Variants in DERA observed in about 807,000 individuals in gnomAD.
DERA encodes the protein 2-deoxy-D-ribose 5-phosphate aldolase.
DERA carries 15 observed loss-of-function variants against 41.1 expected under a neutral mutation model. The ratio of observed to expected loss-of-function variants is 0.37; its 90% CI spans 0.24 to 0.56. The LOEUF (loss-of-function observed/expected upper bound fraction) is 0.56, where lower values mean the gene tolerates loss of function less well. Ranked by LOEUF, DERA falls within the 20% of genes least tolerant of loss-of-function variation. DERA has a pLI of 0.81. For missense variants in DERA, 396 were observed against 403.4 expected (o/e 0.98, Z 0.16); for synonymous variants, 139 against 137.4 (o/e 1.01, Z -0.08).
chr12:15,933,484 C>T (rs1454414347), intron 1 of DERA, among the ~76,000 whole-genome samples: 1 of 152,148 alleles, frequency 6.6e-6, no homozygotes, highest in Non-Finnish European at 1.5e-5. Context: ...ACCAAATTGG[C>T]AGAAACTTGG....
At position 16,010,703 on chromosome 12, in the gene DERA, C is replaced by G. The variant is rs1219048388; in HGVS notation, c.638-21839C>G. Among the ~76,000 whole-genome samples, 1 of 151,984 alleles carries G rather than the reference C, an allele frequency of 6.6e-6. No individual in the cohort carries two copies. The highest frequency in any genetic ancestry group is 1.9e-4 in the East Asian group (1 of 5,156). Reference sequence around the variant, plus strand: ...CACCTAGATGGCCAACCCCAGGGTTCCATATAGTAAATGCTTTCCATTCAG... The same window carrying G: ...CACCTAGATGGCCAACCCCAGGGTTGCATATAGTAAATGCTTTCCATTCAG... On this transcript the variant is annotated intron_variant, in intron 6 of 8. Coordinates refer to ENST00000428559, the MANE Select transcript of DERA (RefSeq NM_015954.4). The surrounding 1 kb of genome is among the most constrained non-coding windows in gnomAD (Gnocchi z 5.5).
At position 16,000,935 on chromosome 12, in the gene DERA, T is replaced by C. The variant is rs1948870742; in HGVS notation, c.637+18499T>C. Among the ~76,000 whole-genome samples the C allele has an allele frequency of 6.6e-6, 1 of 152,226 alleles. No individual in the cohort carries two copies. Among genetic ancestry groups the C allele is most frequent in the Non-Finnish European group, 1.5e-5 (1 of 68,038 alleles). On this transcript the variant is annotated intron_variant, in intron 6 of 8. Transcript: ENST00000428559. This position sits in a 1 kb window ranked among gnomAD's most constrained non-coding sequence, Gnocchi z 4.8. ...TTCTGCCTTTTTCTGCATTCTTGTT[T>C]TACAGTATTCAGTATTACAATGCCA...
chr12:15,956,671 A>G, intron 1 of DERA: 1 of 504,976 alleles, frequency 2.0e-6, no homozygotes, highest in Non-Finnish European at 3.8e-6. Flanking sequence ...AGGTTCTTCC[A>G]GTTCCAAATG....
At chr12:15,945,568 A>G (rs1030267100) in intron 1 of DERA, among the ~76,000 whole-genome samples, 7 of 152,144 alleles carry the variant, frequency 4.6e-5, no homozygotes. Flanking sequence ...ATTTTTGCAC[A>G]TTGATTTTGT....
rs1013080447 is a variant in DERA, at chr12:15,911,535, C to A, written c.31+121C>A. Reference sequence around the variant, plus strand: ...GGTCCCCGAGGGGTTTTCGCTGGGGCGGGAAGCAGTGGCGTCTGGTCAGCC... The same window carrying A: ...GGTCCCCGAGGGGTTTTCGCTGGGGAGGGAAGCAGTGGCGTCTGGTCAGCC... On this transcript the variant is annotated intron_variant, in intron 1 of 8. Transcript: ENST00000428559. The surrounding 1 kb of genome is among the most constrained non-coding windows in gnomAD (Gnocchi z 4.5). 50 of 1,041,438 alleles carry A rather than the reference C, an allele frequency of 4.8e-5. No individual in the cohort carries two copies. Among genetic ancestry groups the A allele is most frequent in the Admixed American group, 3.1e-4 (11 of 35,024 alleles). The allele number at this position is 1,041,438 out of a possible 1,614,324, so 64.5% of individuals were successfully genotyped here. A position where few individuals can be genotyped will look rare whatever the true frequency, so the allele number is the denominator to read the frequency against.
In DERA at chr12:15,943,983, G is replaced by GT; in HGVS notation, c.32-12947dup. On this transcript the variant is annotated intron_variant, in intron 1 of 8. Transcript: ENST00000428559. The surrounding 1 kb of genome is among the most constrained non-coding windows in gnomAD (Gnocchi z 4.5). ...TATGAGTGAGAACATGCGGTGTTTG[G>GT]TTTTTTGTCCTTGTGATAGTTTGCT... is the stretch of plus-strand genomic sequence containing the variant. Among the ~76,000 whole-genome samples the GT allele has an allele frequency of 6.7e-6, 1 of 150,040 alleles. No individual in the cohort carries two copies. Among genetic ancestry groups the GT allele is most frequent in the Non-Finnish European group, 1.5e-5 (1 of 67,784 alleles).
rs887643279 is a variant in DERA, at chr12:15,921,528, A to T, written c.31+10114A>T. Among the ~76,000 whole-genome samples the T allele has an allele frequency of 6.6e-6, 1 of 152,132 alleles. No homozygotes were observed. The highest frequency in any genetic ancestry group is 2.1e-4 in the South Asian group (1 of 4,822). On this transcript the variant is annotated intron_variant, in intron 1 of 8. Coordinates refer to ENST00000428559, the MANE Select transcript of DERA (RefSeq NM_015954.4). The surrounding 1 kb of genome is among the most constrained non-coding windows in gnomAD (Gnocchi z 5.3). ...AAGAAAGTAGGTTGTAACAATTCCTATTGTATTTGGTGAAGGAGCTCAAGA... is the reference window on the plus strand; with the variant it reads ...AAGAAAGTAGGTTGTAACAATTCCTTTTGTATTTGGTGAAGGAGCTCAAGA...
Position 15,992,503 on chromosome 12 carries a change from T to G in DERA, c.637+10067T>G, listed in dbSNP as rs1592039292. Among the ~76,000 whole-genome samples the G allele has an allele frequency of 1.3e-5, 2 of 152,070 alleles. No individual in the cohort carries two copies. Among genetic ancestry groups the G allele is most frequent in the South Asian group, 4.1e-4 (2 of 4,826 alleles). ...AGAACTTTTTGCTTTGGTTTTGGGGTTGAAGAAAAATTGATCTTCCATGTA... is the reference window on the plus strand; with the variant it reads ...AGAACTTTTTGCTTTGGTTTTGGGGGTGAAGAAAAATTGATCTTCCATGTA... On this transcript the variant is annotated intron_variant, in intron 6 of 8. Transcript: ENST00000428559. This position sits in a 1 kb window ranked among gnomAD's most constrained non-coding sequence, Gnocchi z 4.3.
rs1171369757 is a variant in DERA, at chr12:15,966,834, T to C, written c.508+3887T>C. ...TCCACAACCTTGGTGTGCTTTCCTTTGGAAACGTCATGTCCTTGCTGATTT... is the reference window on the plus strand; with the variant it reads ...TCCACAACCTTGGTGTGCTTTCCTTCGGAAACGTCATGTCCTTGCTGATTT... On this transcript the variant is annotated intron_variant, in intron 5 of 8. Transcript: ENST00000428559. The surrounding 1 kb of genome is among the most constrained non-coding windows in gnomAD (Gnocchi z 5.1). Among the ~76,000 whole-genome samples, 1 of 152,128 alleles carries C rather than the reference T, an allele frequency of 6.6e-6. No individual in the cohort carries two copies. The highest frequency in any genetic ancestry group is 1.9e-4 in the East Asian group (1 of 5,176).
At position 15,936,889 on chromosome 12, in the gene DERA, TC is replaced by T. The variant is rs879728725; in HGVS notation, c.32-20045del. On this transcript the variant is annotated intron_variant, in intron 1 of 8. Transcript: ENST00000428559. This position sits in a 1 kb window ranked among gnomAD's most constrained non-coding sequence, Gnocchi z 4.6. Reference sequence around the variant, plus strand: ...TCTTGTCTTGTCTTGTCTTGTCTTGTCCTGTCCTGTCCTGTCCTGTCCTGTC... The same window carrying T: ...TCTTGTCTTGTCTTGTCTTGTCTTGTCTGTCCTGTCCTGTCCTGTCCTGTC... Among the ~76,000 whole-genome samples the T allele has an allele frequency of 1.6e-3, 211 of 132,800 alleles. No homozygotes were observed. The highest frequency in any genetic ancestry group is 1.9e-3 in the African/African-American group (58 of 30,038). The allele number at this position is 132,800 out of a possible 152,430, so 87.1% of individuals were successfully genotyped here. A position where few individuals can be genotyped will look rare whatever the true frequency, so the allele number is the denominator to read the frequency against.
intron 1 of DERA, among the ~76,000 whole-genome samples, chr12:15,956,288 G>C (rs544299020): frequency 6.6e-6 from 1 of 152,346 alleles, no homozygotes; most frequent in African/African-American, 2.4e-5. Flanking sequence ...AGTAGATCAA[G>C]GTAGGAGAGA....
rs960275359 is a variant in DERA at position 15,954,106 on chromosome 12, T to G, written c.32-2830T>G. On this transcript the variant is annotated intron_variant, in intron 1 of 8. Transcript: ENST00000428559. The surrounding 1 kb of genome is among the most constrained non-coding windows in gnomAD (Gnocchi z 4.0). ...AGACCTTGTGAGTTCTAACCTTTGG[T>G]GTACTCAAAATTGGTTTTTAAGGGG... 4.6e-5 allele frequency among the ~76,000 whole-genome samples: 7 copies of G among 152,180 alleles called. No individual in the cohort carries two copies. Among genetic ancestry groups the G allele is most frequent in the African/African-American group, 1.7e-4 (7 of 41,452 alleles).
rs1024553834 is a variant in DERA at position 15,922,305 on chromosome 12, C to A, written c.31+10891C>A. ...AGCCAGTCAACATTGTATTATTAAC[C>A]TTTAGATAATCATTTAAAAATGCTG... On this transcript the variant is annotated intron_variant, in intron 1 of 8. Transcript: ENST00000428559. This position sits in a 1 kb window ranked among gnomAD's most constrained non-coding sequence, Gnocchi z 4.9. Among the ~76,000 whole-genome samples, 14 of 152,152 alleles carry A rather than the reference C, an allele frequency of 9.2e-5. No homozygotes were observed. The highest frequency in any genetic ancestry group is 1.9e-4 in the Non-Finnish European group (13 of 68,038).
At chr12:15,912,010 G>C (rs1019476229) in intron 1 of DERA, among the ~76,000 whole-genome samples, 2 of 149,078 alleles carry the variant, frequency 1.3e-5, no homozygotes, top group Non-Finnish European at 3.0e-5. Context: ...AGAAACCTTA[G>C]TTCAGATTTC....
chr12:15,955,830 C>T (rs1948534048), intron 1 of DERA, among the ~76,000 whole-genome samples: 1 of 152,166 alleles, frequency 6.6e-6, no homozygotes. Context: ...TAGCAGTTTT[C>T]CTCATTGCAT....
rs562590614 is a variant in DERA at position 15,943,900 on chromosome 12, C to T, written c.32-13036C>T. ...CCCCTCCCCCCACCCCACGACAGAC[C>T]CTGGTGTGTGATGTTCCCCTTCCTG... On this transcript the variant is annotated intron_variant, in intron 1 of 8. Coordinates refer to ENST00000428559, the MANE Select transcript of DERA (RefSeq NM_015954.4). This position sits in a 1 kb window ranked among gnomAD's most constrained non-coding sequence, Gnocchi z 4.5. Among the ~76,000 whole-genome samples, 3 of 126,754 alleles carry T rather than the reference C, an allele frequency of 2.4e-5. No individual in the cohort carries two copies. Among genetic ancestry groups the T allele is most frequent in the South Asian group, 3.1e-4 (1 of 3,250 alleles). 83.2% of individuals were successfully genotyped at this position (126,754 alleles called of 152,430 possible).
intron 6 of DERA, among the ~76,000 whole-genome samples, chr12:16,028,617 CACTA>C (rs1322723279): frequency 6.6e-5 from 10 of 152,264 alleles, no homozygotes; most frequent in African/African-American, 2.4e-4. Context: ...ACCGAGCCAA[CACTA>C]ACTACCTCAG....
At position 15,911,395 on chromosome 12, in the gene DERA, C is replaced by A; in HGVS notation, c.12C>A (p.His4Gln). Residue 4 changes from histidine (H) to glutamine (Q), a missense_variant, in exon 1 of 9, where the codon CAC becomes CAA. His to Gln is a conservative substitution (Grantham distance 24). Transcript: ENST00000428559. The surrounding 1 kb of genome is among the most constrained non-coding windows in gnomAD (Gnocchi z 4.5). MSA[H>Q]NRGTELDLSW... Reference sequence around the variant, plus strand: ...GAGCTGCCCGCGCCATGTCCGCGCACAATCGGGGCACCGAGCTCGGTAAGG... The same window carrying A: ...GAGCTGCCCGCGCCATGTCCGCGCAAAATCGGGGCACCGAGCTCGGTAAGG... The A allele has an allele frequency of 7.1e-7, 1 of 1,405,344 alleles. No homozygotes were observed. The highest frequency in any genetic ancestry group is 1.5e-5 in the African/African-American group (1 of 65,982). 87.1% of individuals were successfully genotyped at this position (1,405,344 alleles called of 1,614,324 possible). A position where few individuals can be genotyped will look rare whatever the true frequency, so the allele number is the denominator to read the frequency against.
rs1235598232 is a variant in DERA, at chr12:15,989,673, T to A, written c.637+7237T>A. ...TTTTTGTTTTCCCATTAATTTAGAA[T>A]CAGAATCTCAAAGGGAAACCATTTG... is the stretch of plus-strand genomic sequence containing the variant. On this transcript the variant is annotated intron_variant, in intron 6 of 8. Transcript: ENST00000428559. This position sits in a 1 kb window ranked among gnomAD's most constrained non-coding sequence, Gnocchi z 5.2. Among the ~76,000 whole-genome samples the A allele has an allele frequency of 6.6e-6, 1 of 152,224 alleles. No homozygotes were observed. The highest frequency in any genetic ancestry group is 1.5e-5 in the Non-Finnish European group (1 of 68,026).
Sources: allele counts gnomAD v4.1 joint callset (sites outside exome capture counted in the v4.1 genomes callset), GRCh38; gene constraint gnomAD v4.1.1; non-coding constraint Gnocchi (gnomAD v3.1); transcripts MANE v1.5; gene names NCBI Gene and HGNC (gene_info 2026-07-23, HGNC 2026-07-21).